Variants in PSD2 observed in about 807,000 individuals in gnomAD.
PSD2 encodes the protein pleckstrin and Sec7 domain containing 2, also known as PH and SEC7 domain-containing protein 2.
A neutral mutation model predicts 69.8 loss-of-function variants in PSD2; 38 were observed. The ratio of observed to expected loss-of-function variants is 0.54; its 90% CI spans 0.42 to 0.71. The LOEUF (loss-of-function observed/expected upper bound fraction) is 0.71, where lower values mean the gene tolerates loss of function less well. PSD2 is among the 30% of genes least tolerant of loss of function. The pLI, the probability that PSD2 is intolerant of heterozygous loss-of-function variation, is 0.00. For missense variants in PSD2, 943 were observed against 1,014.5 expected (o/e 0.93, Z 0.96); for synonymous variants, 412 against 423.0 (o/e 0.97, Z 0.32).
chr5:139,814,152 C>T lies in PSD2; in HGVS notation c.822-18C>T. 6.2e-7 allele frequency: 1 copy of T among 1,609,424 alleles called. No homozygotes were observed. The highest frequency in any genetic ancestry group is 1.1e-5 in the South Asian group (1 of 90,242). On this transcript the variant is annotated intron_variant, in intron 3 of 14. Transcript: ENST00000274710. The surrounding 1 kb of genome is among the most constrained non-coding windows in gnomAD (Gnocchi z 4.4). ...CTGGGCCTCTGACGCTACTCTTCCA[C>T]CCACCTTCCATCTGCAGTGACCCCA...
chr5:139,789,075 C>G, the PSD2 span, among the ~76,000 whole-genome samples: 2 of 152,216 alleles, frequency 1.3e-5, no homozygotes, highest in Non-Finnish European at 2.9e-5. Flanking sequence ...GGCTCCCTGC[C>G]CCGGCTCCTG....
the PSD2 span, among the ~76,000 whole-genome samples, chr5:139,768,168 G>A: frequency 2.0e-5 from 3 of 152,246 alleles, no homozygotes; most frequent in African/African-American, 7.2e-5. Flanking sequence ...TTCCTGCAAA[G>A]GGAATATCCT....
Position 139,800,039 on chromosome 5 carries a change from G to A in PSD2, c.-51+4064G>A, listed in dbSNP as rs1048593790. ...CAGGCAGAAAGAAGAGCCACACATAGCCCACTGCAGGGGATGGATGGTGGG... is the reference window on the plus strand; with the variant it reads ...CAGGCAGAAAGAAGAGCCACACATAACCCACTGCAGGGGATGGATGGTGGG... On this transcript the variant is annotated intron_variant, in intron 1 of 14. Transcript: ENST00000274710. Among the ~76,000 whole-genome samples the A allele has an allele frequency of 7.9e-5, 12 of 152,290 alleles. No homozygotes were observed. The East Asian group carries it at 1.7e-3, about 22-fold the overall frequency.
chr5:139,775,858 G>A, the PSD2 span, among the ~76,000 whole-genome samples: 5 of 152,256 alleles, frequency 3.3e-5, no homozygotes, highest in South Asian at 6.2e-4. Context: ...TAGTAGAGAC[G>A]GAGTTTCGCT....
At chr5:139,803,138 G>A (rs1759715194) in intron 1 of PSD2, among the ~76,000 whole-genome samples, 1 of 152,258 alleles carries the variant, frequency 6.6e-6, no homozygotes. Flanking sequence ...AGTGAGCCTG[G>A]CCTTGGGTGA....
intron 8 of PSD2, among the ~76,000 whole-genome samples, chr5:139,834,906 C>T (rs553717170): frequency 1.3e-5 from 2 of 151,728 alleles, no homozygotes; most frequent in South Asian, 4.2e-4. Context: ...AATCATTCAC[C>T]TACCCATATA....
At chr5:139,770,009 C>T in the PSD2 span, among the ~76,000 whole-genome samples, 1 of 152,202 alleles carries the variant, frequency 6.6e-6, no homozygotes, top group Admixed American at 6.5e-5. Context: ...GCATGCGGTA[C>T]ACAGAGAGGT....
chr5:139,744,118 C>T, the PSD2 span, among the ~76,000 whole-genome samples: 4 of 152,170 alleles, frequency 2.6e-5, no homozygotes, highest in Admixed American at 2.6e-4. Flanking sequence ...GGACACTGGC[C>T]TGTCTGGAGG....
chr5:139,824,394 G>GCTT (rs1195494667), intron 7 of PSD2, among the ~76,000 whole-genome samples: 1 of 119,430 alleles, frequency 8.4e-6, no homozygotes, highest in Non-Finnish European at 1.7e-5. Flanking sequence ...TCTCTCTCTT[G>GCTT]TTTTTTTTTT....
At chr5:139,769,131 G>A in the PSD2 span, among the ~76,000 whole-genome samples, 4 of 152,092 alleles carry the variant, frequency 2.6e-5, no homozygotes, top group Admixed American at 6.6e-5. Flanking sequence ...TGAAGGAGGT[G>A]ATATTCATGC....
At chr5:139,796,065 G>GT (rs1202133882) in intron 1 of PSD2, 90 bp downstream of exon 1, 2 of 151,516 alleles carry the variant, frequency 1.3e-5, no homozygotes, top group Admixed American at 6.6e-5. Context: ...CCGCGTGCGG[G>GT]TGGGGGGCGT....
At chr5:139,823,971 T>C (rs779506729) in intron 7 of PSD2, among the ~76,000 whole-genome samples, 3 of 152,194 alleles carry the variant, frequency 2.0e-5, no homozygotes, top group Non-Finnish European at 4.4e-5. Context: ...CGACAGCTTT[T>C]GCCAAGTCCA....
chr5:139,777,834 G>A, the PSD2 span, among the ~76,000 whole-genome samples: 2 of 152,160 alleles, frequency 1.3e-5, no homozygotes, highest in East Asian at 3.9e-4. Context: ...AGTGAGCCAT[G>A]ATAGCCCCAC....
chr5:139,786,393 A>C, the PSD2 span, among the ~76,000 whole-genome samples: 1 of 152,238 alleles, frequency 6.6e-6, no homozygotes, highest in African/African-American at 2.4e-5. Flanking sequence ...GCTTCGCTTT[A>C]TTAAAAATAA....
At chr5:139,767,609 C>G in the PSD2 span, among the ~76,000 whole-genome samples, 1 of 152,228 alleles carries the variant, frequency 6.6e-6, no homozygotes, top group Non-Finnish European at 1.5e-5. Flanking sequence ...GACACGGCAT[C>G]TGGCCCCTCC....
At chr5:139,775,701 TCTTATCGCCCAGG>T in the PSD2 span, among the ~76,000 whole-genome samples, 1 of 152,100 alleles carries the variant, frequency 6.6e-6, no homozygotes, top group Admixed American at 6.5e-5. Flanking sequence ...GAGAGAGAGC[TCTTATCGCCCAGG>T]CTGGAGTGCA....
chr5:139,811,142 T>C (rs1015492065), intron 2 of PSD2, among the ~76,000 whole-genome samples: 1 of 152,122 alleles, frequency 6.6e-6, no homozygotes, highest in Non-Finnish European at 1.5e-5. Flanking sequence ...CTCCTTTCCT[T>C]CCAGAGGTCA....
chr5:139,815,728 T>A (rs1297438913), intron 4 of PSD2, among the ~76,000 whole-genome samples: 1 of 152,184 alleles, frequency 6.6e-6, no homozygotes, highest in Admixed American at 6.5e-5. Flanking sequence ...GCATAGTGGC[T>A]CATGCCTGTA....
At chr5:139,820,066 G>A (rs933858727) in intron 5 of PSD2, among the ~76,000 whole-genome samples, 3 of 152,168 alleles carry the variant, frequency 2.0e-5, no homozygotes, top group African/African-American at 7.2e-5. Flanking sequence ...GAGGGGAAAG[G>A]TCGGTGTGAG....
Sources: gnomAD v4.1 joint callset for allele counts (sites outside exome capture counted in the v4.1 genomes callset) on GRCh38, gnomAD v4.1.1 for gene constraint, Gnocchi (gnomAD v3.1) non-coding constraint, MANE v1.5 for transcripts, NCBI Gene and HGNC (gene_info 2026-07-23, HGNC 2026-07-21) for gene names.